ANK1: variants seen among roughly 807,000 people sequenced by gnomAD.
ANK1 encodes the protein ankyrin 1, also known as ankyrin-1.
A neutral mutation model predicts 210.4 loss-of-function variants in ANK1; 51 were observed. That is an observed-to-expected ratio of 0.24 (90% CI 0.19 to 0.31). The LOEUF (loss-of-function observed/expected upper bound fraction) is 0.31. Ranked by LOEUF, ANK1 falls within the 10% of genes least tolerant of loss-of-function variation. The pLI, the probability that ANK1 is intolerant of heterozygous loss-of-function variation, is 1.00. For synonymous variants in ANK1, 967 were observed against 1,025.9 expected, an observed-to-expected ratio of 0.94 and a Z score of 1.10; for missense variants, 2,051 against 2,504.4, an observed-to-expected ratio of 0.82 and a Z score of 3.86.
chr8:41,663,927 CT>C, intron 39 of ANK1, 185 bp from the exon 40 acceptor site: 5 of 671,686 alleles, frequency 7.4e-6, no homozygotes, highest in Non-Finnish European at 1.4e-5. Context: ...GGCGGCGCCC[CT>C]GAGGGTCTGG....
At chr8:41,860,147 C>G (rs1284484244) in intron 1 of ANK1, among the ~76,000 whole-genome samples, 1 of 152,174 alleles carries the variant, frequency 6.6e-6, no homozygotes, top group Non-Finnish European at 1.5e-5. Context: ...GAGGGGGAGC[C>G]TGTGTGCTAG....
At chr8:41,768,718 T>C (rs1842385442) in intron 1 of ANK1, among the ~76,000 whole-genome samples, 1 of 151,898 alleles carries the variant, frequency 6.6e-6, no homozygotes, top group Non-Finnish European at 1.5e-5. Context: ...TCCCAGCATT[T>C]TGGGAGGCTG....
chr8:41,663,371 T>C (rs1713088623), intron 40 of ANK1, among the ~76,000 whole-genome samples: 1 of 152,150 alleles, frequency 6.6e-6, no homozygotes, highest in Admixed American at 6.5e-5. Context: ...TTAGGCATCA[T>C]GGGACTAGGT....
chr8:41,828,156 G>C (rs1587261076), intron 1 of ANK1: 1 of 152,202 alleles, frequency 6.6e-6, no homozygotes, highest in African/African-American at 2.4e-5. Flanking sequence ...TGGAGTTCCC[G>C]GTCGGTCCTC....
chr8:41,745,423 G>A (rs1835863332), intron 2 of ANK1, among the ~76,000 whole-genome samples: 1 of 152,248 alleles, frequency 6.6e-6, no homozygotes, highest in Non-Finnish European at 1.5e-5. Context: ...GGGACAGGAA[G>A]TGTAGAAGAA....
chr8:41,666,494 G>A (rs1810594421), intron 39 of ANK1, among the ~76,000 whole-genome samples: 1 of 152,208 alleles, frequency 6.6e-6, no homozygotes, highest in Non-Finnish European at 1.5e-5. Flanking sequence ...ATCTGGTTTT[G>A]GCCCAGTCAA....
intron 1 of ANK1, among the ~76,000 whole-genome samples, chr8:41,761,573 C>G (rs1586768984): frequency 1.3e-5 from 2 of 152,318 alleles, no homozygotes; most frequent in East Asian, 3.9e-4. Flanking sequence ...AGATCTCCAG[C>G]CTCCAGACAG....
At chr8:41,799,766 T>C (rs760512540), upstream of ANK1, among the ~76,000 whole-genome samples, 1 of 152,010 alleles carries the variant, frequency 6.6e-6, no homozygotes, top group Non-Finnish European at 1.5e-5. Context: ...CTCCTCTCCC[T>C]TGGATACAGG....
At chr8:41,823,690 G>A (rs532782698) in intron 1 of ANK1, among the ~76,000 whole-genome samples, 2 of 151,966 alleles carry the variant, frequency 1.3e-5, no homozygotes, top group Non-Finnish European at 2.9e-5. Flanking sequence ...CTTGAGTCTG[G>A]GAGTTCAAGG....
At position 41,725,966 on chromosome 8, in the gene ANK1, G is replaced by T. The variant is rs754362458; in HGVS notation, c.427-20C>A. The T allele has an allele frequency of 5.6e-6, 9 of 1,611,118 alleles. No individual in the cohort carries two copies. The highest frequency in any genetic ancestry group is 3.3e-5 in the Admixed American group (2 of 59,914). On this transcript the variant is annotated intron_variant, in intron 5 of 42. Transcript: ENST00000289734. ...GCCGTCCTGGCCAGAGGAGGAAAAT[G>T]CTTTGCTCTGACTCGTCTGACGCCA...
In ANK1 at chr8:41,867,251, G is replaced by A. The variant is rs138738934; in HGVS notation, c.126+29104C>T. Among the ~76,000 whole-genome samples, 33 of 152,262 alleles carry A rather than the reference G, an allele frequency of 2.2e-4. No individual in the cohort carries two copies. In the East Asian group the frequency reaches 3.1e-3, roughly 14 times the overall value. On this transcript the variant is annotated intron_variant, in intron 1 of 42. Coordinates refer to the ANK1 transcript ENST00000265709. Reference sequence around the variant, plus strand: ...CTCTGATGATGCCGCTTTTCCTCTCGTCTTGTGATGGGCTTGTTTCAGAGT... The same window carrying A: ...CTCTGATGATGCCGCTTTTCCTCTCATCTTGTGATGGGCTTGTTTCAGAGT...
intron 1 of ANK1, among the ~76,000 whole-genome samples, chr8:41,807,513 C>T (rs1587113135): frequency 6.6e-6 from 1 of 152,104 alleles, no homozygotes; most frequent in Non-Finnish European, 1.5e-5. Context: ...CCCAACATCA[C>T]ACCTTGTATC....
chr8:41,656,610 C>T (rs1240613682), intron 42 of ANK1, among the ~76,000 whole-genome samples: 1 of 152,232 alleles, frequency 6.6e-6, no homozygotes, highest in African/African-American at 2.4e-5. Context: ...CACTCATGTT[C>T]TATCTGCAGG....
chr8:41,669,380 C>T (rs1811527561), intron 38 of ANK1, among the ~76,000 whole-genome samples: 1 of 152,054 alleles, frequency 6.6e-6, no homozygotes, highest in Non-Finnish European at 1.5e-5. Flanking sequence ...CACTGCAGCT[C>T]TGCACTCCTG....
intron 1 of ANK1, among the ~76,000 whole-genome samples, chr8:41,877,930 AG>A (rs1488487105): frequency 6.6e-6 from 1 of 152,168 alleles, no homozygotes; most frequent in Non-Finnish European, 1.5e-5. Flanking sequence ...TGGCCGTGTG[AG>A]GGAGGACAGG....
chr8:41,888,946 C>T (rs770008586), intron 1 of ANK1, among the ~76,000 whole-genome samples: 6 of 152,238 alleles, frequency 3.9e-5, no homozygotes, highest in African/African-American at 7.2e-5. Context: ...TTACTTCCAA[C>T]TCTGGCAGCT....
At chr8:41,873,891 T>C (rs1219230322) in intron 1 of ANK1, among the ~76,000 whole-genome samples, 3 of 152,200 alleles carry the variant, frequency 2.0e-5, no homozygotes, top group Non-Finnish European at 4.4e-5. Flanking sequence ...ACCTGTGGCC[T>C]TGGCTGGACA....
chr8:41,895,560 C>T (rs1318101167), intron 1 of ANK1, among the ~76,000 whole-genome samples: 2 of 152,086 alleles, frequency 1.3e-5, no homozygotes, highest in African/African-American at 2.4e-5. Context: ...TATTTTGTCT[C>T]GGCACCCCGA....
intron 2 of ANK1, among the ~76,000 whole-genome samples, chr8:41,739,197 T>C (rs1017721717): frequency 1.5e-4 from 23 of 152,364 alleles, no homozygotes; most frequent in African/African-American, 5.5e-4. Flanking sequence ...ATTATTTCTA[T>C]TGACTTATCC....
Sources: allele counts gnomAD v4.1 joint callset (sites outside exome capture counted in the v4.1 genomes callset), GRCh38; gene constraint gnomAD v4.1.1; transcripts MANE v1.5; gene names NCBI Gene and HGNC (gene_info 2026-07-23, HGNC 2026-07-21).